Variants in PTCD3 observed in about 807,000 individuals in gnomAD.
The protein encoded by PTCD3 is small ribosomal subunit protein mS39.
In PTCD3, 89 loss-of-function variants were observed where a neutral mutation model predicts 101.9. That is an observed-to-expected ratio of 0.87 (90% CI 0.74 to 1.04). The LOEUF (loss-of-function observed/expected upper bound fraction) is 1.04. Among genes scored for constraint, PTCD3 ranks in the 50% least tolerant of loss-of-function variants. The pLI is 0.00. For synonymous variants in PTCD3, 296 were observed against 278.5 expected (o/e 1.06, Z -0.63); for missense variants, 870 against 828.2 (o/e 1.05, Z -0.62).
intron 21 of PTCD3, chr2:86,135,898 G>A (rs769814982): frequency 7.7e-6 from 4 of 518,830 alleles, no homozygotes; most frequent in South Asian, 4.2e-5. Context: ...GCAGGGGTAC[G>A]GACCTCAGCT....
At chr2:86,135,134 T>A (rs528181283) in intron 21 of PTCD3, 147 bp downstream of exon 21, 3 of 847,650 alleles carry the variant, frequency 3.5e-6, no homozygotes, top group Non-Finnish European at 5.4e-6. Context: ...AAGCAAACTT[T>A]TGGAAGAAGA....
At chr2:86,135,765 G>A (rs1360065439) in intron 21 of PTCD3, 2 of 370,612 alleles carry the variant, frequency 5.4e-6, no homozygotes, top group African/African-American at 4.3e-5. Context: ...TCTTTGAGGT[G>A]TGGCTCACAC....
At chr2:86,110,858 G>A in intron 3 of PTCD3, 1 of 701,286 alleles carries the variant, frequency 1.4e-6, no homozygotes, top group East Asian at 3.0e-5. Context: ...GGGCGGGATG[G>A]AAATCACTAG....
intron 4 of PTCD3, among the ~76,000 whole-genome samples, chr2:86,112,297 C>G (rs1674102852): frequency 6.6e-6 from 1 of 151,418 alleles, no homozygotes; most frequent in Non-Finnish European, 1.5e-5. Flanking sequence ...ACCTCCTGAT[C>G]CACCCGCCTT....
intron 4 of PTCD3, among the ~76,000 whole-genome samples, chr2:86,116,126 T>C (rs749915933): frequency 3.3e-5 from 5 of 152,218 alleles, no homozygotes; most frequent in African/African-American, 4.8e-5. Context: ...CTTTTTTCTC[T>C]ATATATACAT....
intron 23 of PTCD3, 100 bp downstream of exon 23, chr2:86,137,240 A>C (rs1004531521): frequency 4.4e-5 from 61 of 1,398,264 alleles, no homozygotes; most frequent in Admixed American, 2.7e-4. Flanking sequence ...ATTTCCTTTC[A>C]AAAAGTCAGA....
chr2:86,123,553 G>C (rs1573853502), intron 8 of PTCD3, 148 bp from the exon 9 acceptor site: 2 of 568,130 alleles, frequency 3.5e-6, no homozygotes, highest in East Asian at 6.2e-5. Flanking sequence ...AGGTGTAAGC[G>C]TAACTGGGCT....
chr2:86,127,510 CTTTG>C, intron 13 of PTCD3: 1 of 566,574 alleles, frequency 1.8e-6, no homozygotes, highest in Non-Finnish European at 3.0e-6. Context: ...ATTTTAGGTA[CTTTG>C]TTTATGGATC....
intron 14 of PTCD3, among the ~76,000 whole-genome samples, chr2:86,130,365 CCGCCTACTTCAGTAAGT>C (rs1424472851): frequency 5.9e-5 from 9 of 152,238 alleles, no homozygotes; most frequent in African/African-American, 2.2e-4. Context: ...TTACTGTCTG[CCGCCTACTTCAGTAAGT>C]CAGGCTTCAT....
intron 20 of PTCD3, among the ~76,000 whole-genome samples, 161 bp downstream of exon 20, chr2:86,134,538 C>A (rs892004259): frequency 1.3e-5 from 2 of 152,156 alleles, no homozygotes; most frequent in Non-Finnish European, 2.9e-5. Flanking sequence ...GAAATCTGTT[C>A]TTAAAGTTAC....
At chr2:86,124,199 C>T (rs1266488188) in intron 9 of PTCD3, among the ~76,000 whole-genome samples, 2 of 152,166 alleles carry the variant, frequency 1.3e-5, no homozygotes, top group Admixed American at 1.3e-4. Flanking sequence ...AAGGTAATAA[C>T]TTAATTATAT....
At chr2:86,121,403 T>C in intron 7 of PTCD3, 76 bp from the exon 8 acceptor site, 1 of 892,630 alleles carries the variant, frequency 1.1e-6, no homozygotes, top group Non-Finnish European at 1.7e-6. Flanking sequence ...TATAAAAAAA[T>C]GACACATTTT....
intron 6 of PTCD3, among the ~76,000 whole-genome samples, chr2:86,118,631 T>C (rs537561089): frequency 9.2e-5 from 14 of 152,274 alleles, no homozygotes; most frequent in African/African-American, 3.4e-4. Context: ...TGGGGTAAAA[T>C]AGTAGGCATT....
At position 86,136,581 on chromosome 2, in the gene PTCD3, G is replaced by C. The variant is rs755004282; in HGVS notation, c.1820+19G>C. On this transcript the variant is annotated intron_variant, in intron 22 of 23. Coordinates refer to ENST00000254630, the MANE Select transcript of PTCD3 (RefSeq NM_017952.6). ...TTCCTAGGTAAGTTGAAATCAGCCA[G>C]CTCTCTTTGGGTACAGCCTGGAAGT... 2 of 1,607,604 alleles carry C rather than the reference G, an allele frequency of 1.2e-6. No homozygotes were observed.
In PTCD3 at chr2:86,134,897, CCA is replaced by C; in HGVS notation, c.1689_1690del (p.Ile564GlnfsTer39). On this transcript the variant is annotated frameshift_variant, in exon 21 of 24. Transcript: ENST00000254630. LOFTEE classifies it high-confidence loss of function. The stretch of plus-strand genomic sequence containing the variant: ...ATCAAATCTGCGTATGAAAGCCAAC[CCA>C]TCAGACAGACTGCTCAGGATTGGCC... 1 of 1,614,112 alleles carries C rather than the reference CCA, an allele frequency of 6.2e-7. No homozygotes were observed. Among genetic ancestry groups the C allele is most frequent in the South Asian group, 1.1e-5 (1 of 91,084 alleles).
intron 1 of PTCD3, chr2:86,107,084 T>C (rs1673969883): frequency 4.3e-6 from 2 of 470,200 alleles, no homozygotes; most frequent in South Asian, 3.1e-5. Flanking sequence ...GGGTATGTAA[T>C]TTACAATATG....
Position 86,138,579 on chromosome 2 carries a change from C to T in PTCD3, c.*1020C>T, listed in dbSNP as rs991333815. 6.6e-6 allele frequency: 1 copy of T among 151,888 alleles called. No individual in the cohort carries two copies. The highest frequency in any genetic ancestry group is 2.4e-5 in the African/African-American group (1 of 41,330). 9.4% of individuals were successfully genotyped at this position (151,888 alleles called of 1,614,324 possible). A position where few individuals can be genotyped will look rare whatever the true frequency, so the allele number is the denominator to read the frequency against. On this transcript the variant is annotated 3_prime_UTR_variant, in exon 24 of 24. Coordinates refer to ENST00000254630, the MANE Select transcript of PTCD3 (RefSeq NM_017952.6). ...CTTGTGTTCCCATCTGTCTGCCATCCTCTGAAGGCCGGGACCCAGTCATAC... is the reference window on the plus strand; with the variant it reads ...CTTGTGTTCCCATCTGTCTGCCATCTTCTGAAGGCCGGGACCCAGTCATAC...
intron 4 of PTCD3, among the ~76,000 whole-genome samples, chr2:86,111,563 G>A (rs1674084447): frequency 6.6e-6 from 1 of 151,842 alleles, no homozygotes; most frequent in South Asian, 2.1e-4. Context: ...ACTCCAGCCT[G>A]GGCGAAAGAG....
In PTCD3 at chr2:86,134,838, G is replaced by A. The variant is rs2104462586; in HGVS notation, c.1630-1G>A. ...GTTCTGCTGACTCCTAAGCTTCTCA[G>A]CTTCAGGTGGCATTTGCTGACTGTG... On this transcript the variant is annotated splice_acceptor_variant, in intron 20 of 23. Transcript: ENST00000254630. LOFTEE classifies it high-confidence loss of function. 1.2e-6 allele frequency: 2 copies of A among 1,613,972 alleles called. No individual in the cohort carries two copies. The highest frequency in any genetic ancestry group is 1.1e-5 in the South Asian group (1 of 91,066).
Sources: gnomAD v4.1 joint callset for allele counts (sites outside exome capture counted in the v4.1 genomes callset) on GRCh38, gnomAD v4.1.1 for gene constraint, MANE v1.5 for transcripts, NCBI Gene and HGNC (gene_info 2026-07-23, HGNC 2026-07-21) for gene names.